MMP20: variants seen among roughly 807,000 people sequenced by gnomAD.
The protein encoded by MMP20 is matrix metallopeptidase 20.
MMP20 carries 50 observed loss-of-function variants against 51.8 expected under a neutral mutation model. The observed-to-expected ratio is 0.97, with a 90% confidence interval of 0.77 to 1.22. MMP20 has a LOEUF of 1.22. MMP20 is among the 50% of genes most tolerant of loss of function. The pLI, the probability that MMP20 is intolerant of heterozygous loss-of-function variation, is 0.00. For missense variants in MMP20, 663 were observed against 601.4 expected, an observed-to-expected ratio of 1.10 and a Z score of -1.07; for synonymous variants, 244 against 216.2, an observed-to-expected ratio of 1.13 and a Z score of -1.13.
chr11:102,577,514 T>C (rs1159230746), intron 9 of MMP20, 88 bp from the exon 10 acceptor site: 2 of 954,098 alleles, frequency 2.1e-6, no homozygotes, highest in Non-Finnish European at 3.3e-6. Context: ...TTTCTTAAAG[T>C]GTCACCAAAG....
chr11:102,615,082 T>C (rs1163100629), intron 2 of MMP20, among the ~76,000 whole-genome samples: 2 of 147,708 alleles, frequency 1.4e-5, no homozygotes, highest in Non-Finnish European at 3.0e-5. Flanking sequence ...ATAATGTATT[T>C]AATATAATTT....
chr11:102,607,313 C>G (rs192315148), intron 5 of MMP20: 3 of 159,738 alleles, frequency 1.9e-5, no homozygotes, highest in African/African-American at 7.2e-5. Context: ...CCAAATCTTG[C>G]GAGAGCTATC....
At chr11:102,600,037 A>G (rs1420188108) in intron 6 of MMP20, among the ~76,000 whole-genome samples, 1 of 152,236 alleles carries the variant, frequency 6.6e-6, no homozygotes, top group Admixed American at 6.5e-5. Flanking sequence ...AGAAATGACA[A>G]TGAGTCAGGG....
chr11:102,617,093 C>T (rs755113904), intron 1 of MMP20, 34 bp from the exon 2 acceptor site: 6 of 1,613,678 alleles, frequency 3.7e-6, no homozygotes, highest in African/African-American at 1.3e-5. Context: ...GCGTCTACAG[C>T]GTAGTCTGGG....
At chr11:102,587,424 C>T (rs1459913174) in intron 8 of MMP20, among the ~76,000 whole-genome samples, 1 of 152,086 alleles carries the variant, frequency 6.6e-6, no homozygotes, top group Non-Finnish European at 1.5e-5. Context: ...GTGTATTCTG[C>T]TCTTTTTGGG....
chr11:102,623,564 A>G (rs1859777848), intron 1 of MMP20, among the ~76,000 whole-genome samples: 1 of 152,298 alleles, frequency 6.6e-6, no homozygotes, highest in South Asian at 2.1e-4. Context: ...CTTCTATGAA[A>G]CTGGTGCTTG....
intron 1 of MMP20, among the ~76,000 whole-genome samples, chr11:102,620,182 G>A (rs965016313): frequency 6.6e-5 from 10 of 152,188 alleles, no homozygotes; most frequent in African/African-American, 2.4e-4. Flanking sequence ...TAGGCTCAGA[G>A]TAGATGCTCA....
intron 1 of MMP20, among the ~76,000 whole-genome samples, chr11:102,620,264 T>C (rs1859732910): frequency 6.6e-6 from 1 of 152,228 alleles, no homozygotes; most frequent in South Asian, 2.1e-4. Flanking sequence ...TCAGATATCC[T>C]GAAGTACTGA....
At chr11:102,590,443 G>C (rs910690933) in intron 8 of MMP20, among the ~76,000 whole-genome samples, 8 of 152,142 alleles carry the variant, frequency 5.3e-5, no homozygotes, top group Admixed American at 3.9e-4. Flanking sequence ...AGAGACATGG[G>C]TCCTCCCTTT....
intron 6 of MMP20, among the ~76,000 whole-genome samples, chr11:102,605,669 C>T (rs1005829217): frequency 5.9e-5 from 9 of 152,096 alleles, no homozygotes; most frequent in Non-Finnish European, 1.2e-4. Context: ...GACTACACTG[C>T]TTGAAAACCA....
intron 8 of MMP20, among the ~76,000 whole-genome samples, chr11:102,591,121 G>A (rs1682924129): frequency 6.6e-6 from 1 of 152,194 alleles, no homozygotes; most frequent in South Asian, 2.1e-4. Flanking sequence ...ACACATATGA[G>A]GCCCTGTAAA....
At chr11:102,600,785 C>T (rs895931434) in intron 6 of MMP20, among the ~76,000 whole-genome samples, 2 of 152,112 alleles carry the variant, frequency 1.3e-5, no homozygotes, top group African/African-American at 4.8e-5. Flanking sequence ...TGCGCCTGGC[C>T]CCATTTGCTC....
rs10532934 is a variant in MMP20 at position 102,594,908 on chromosome 11, C to CTT, written c.954-153_954-152dup. 1.0e-3 allele frequency: 783 copies of CTT among 784,668 alleles called. 3 individuals are homozygous for CTT. The African/African-American group carries it at 0.014, about 14-fold the overall frequency. 48.6% of individuals were successfully genotyped at this position (784,668 alleles called of 1,614,324 possible). A position where few individuals can be genotyped will look rare whatever the true frequency, so the allele number is the denominator to read the frequency against. The stretch of plus-strand genomic sequence containing the variant: ...CCTTGCCTTGTTTTTTTTCTCTTTT[C>CTT]TTTTTTTTTTTTTTTGAGATGGAGT... On this transcript the variant is annotated intron_variant, in intron 6 of 9. Coordinates refer to ENST00000260228, the MANE Select transcript of MMP20 (RefSeq NM_004771.4).
At chr11:102,618,681 TAC>T (rs1039525064) in intron 1 of MMP20, among the ~76,000 whole-genome samples, 2 of 152,134 alleles carry the variant, frequency 1.3e-5, no homozygotes, top group Non-Finnish European at 2.9e-5. Flanking sequence ...TACACGCATA[TAC>T]ACACACGCAC....
intron 2 of MMP20, among the ~76,000 whole-genome samples, chr11:102,615,734 A>C (rs560044474): frequency 6.6e-6 from 1 of 152,172 alleles, no homozygotes; most frequent in East Asian, 1.9e-4. Context: ...GCTGCCCATC[A>C]ACATGCCAGT....
intron 2 of MMP20, among the ~76,000 whole-genome samples, chr11:102,613,774 G>T (rs986590521): frequency 6.6e-6 from 1 of 152,162 alleles, no homozygotes; most frequent in Non-Finnish European, 1.5e-5. Flanking sequence ...ATTGAAGGGG[G>T]ATACCAGACA....
intron 1 of MMP20, among the ~76,000 whole-genome samples, chr11:102,621,595 T>A (rs189475777): frequency 1.3e-5 from 2 of 152,368 alleles, no homozygotes; most frequent in Non-Finnish European, 2.9e-5. Flanking sequence ...TAAGTCCATG[T>A]CTGGAAACCT....
At chr11:102,595,554 C>T (rs567839771) in intron 6 of MMP20, among the ~76,000 whole-genome samples, 9 of 152,300 alleles carry the variant, frequency 5.9e-5, no homozygotes, top group Non-Finnish European at 1.0e-4. Context: ...ATGGTTGAGT[C>T]ATGCTGATTA....
At chr11:102,595,561 A>T (rs1342687011) in intron 6 of MMP20, among the ~76,000 whole-genome samples, 1 of 152,228 alleles carries the variant, frequency 6.6e-6, no homozygotes, top group Non-Finnish European at 1.5e-5. Flanking sequence ...AGTCATGCTG[A>T]TTAGACCCTG....
Sources: allele counts gnomAD v4.1 joint callset (sites outside exome capture counted in the v4.1 genomes callset), GRCh38; gene constraint gnomAD v4.1.1; transcripts MANE v1.5; gene names NCBI Gene and HGNC (gene_info 2026-07-23, HGNC 2026-07-21).